Variants in KIF26B observed in about 807,000 individuals in gnomAD.
KIF26B encodes kinesin-like protein KIF26B.
Under a neutral mutation model 151.2 loss-of-function variants are expected in KIF26B, and 63 were observed. The observed-to-expected ratio is 0.42, with a 90% CI of 0.34 to 0.51. The LOEUF (loss-of-function observed/expected upper bound fraction) is 0.51, where lower values mean the gene tolerates loss of function less well. Among genes scored for constraint, KIF26B ranks in the 20% least tolerant of loss-of-function variants. The pLI, the probability that KIF26B is intolerant of heterozygous loss-of-function variation, is 0.07. For missense variants in KIF26B, 2,813 were observed against 2,913.6 expected, an observed-to-expected ratio of 0.97 and a Z score of 0.79; for synonymous variants, 1,357 against 1,262.1, an observed-to-expected ratio of 1.08 and a Z score of -1.59.
chr1:245,415,507 G>T (rs1443849700), intron 3 of KIF26B, among the ~76,000 whole-genome samples: 1 of 152,100 alleles, frequency 6.6e-6, no homozygotes, highest in Non-Finnish European at 1.5e-5. Context: ...CCAAAGACCT[G>T]CATACCAGTG....
intron 10 of KIF26B, among the ~76,000 whole-genome samples, chr1:245,672,150 AG>A (rs1363618337): frequency 6.6e-6 from 1 of 152,020 alleles, no homozygotes; most frequent in Non-Finnish European, 1.5e-5. Context: ...GCATTGGGCA[AG>A]CCCCGAGGAC....
At chr1:245,543,722 G>A (rs1452630055) in intron 5 of KIF26B, among the ~76,000 whole-genome samples, 1 of 152,162 alleles carries the variant, frequency 6.6e-6, no homozygotes. Context: ...GGCCGAGGCG[G>A]GCGGATCACG....
At chr1:245,502,135 T>C (rs1464663480) in intron 4 of KIF26B, among the ~76,000 whole-genome samples, 1 of 152,212 alleles carries the variant, frequency 6.6e-6, no homozygotes, top group Non-Finnish European at 1.5e-5. Context: ...TGCAGCATGA[T>C]TTCTTCCAAC....
chr1:245,683,351 A>G (rs1321912021), intron 10 of KIF26B, among the ~76,000 whole-genome samples: 1 of 152,214 alleles, frequency 6.6e-6, no homozygotes, highest in African/African-American at 2.4e-5. Flanking sequence ...CCAGAGATGC[A>G]ATGACATTTG....
intron 10 of KIF26B, among the ~76,000 whole-genome samples, chr1:245,670,492 A>ATT (rs35792058): frequency 8.2e-4 from 121 of 148,014 alleles, no homozygotes; most frequent in East Asian, 2.9e-3. Flanking sequence ...CCTAGTTATC[A>ATT]TTTTTTTTTG....
chr1:245,382,547 G>T (rs1391440914), intron 3 of KIF26B, among the ~76,000 whole-genome samples: 2 of 148,430 alleles, frequency 1.3e-5, no homozygotes, highest in Non-Finnish European at 3.0e-5. Flanking sequence ...GTGTGTGTGT[G>T]TGTGTGTTTT....
At chr1:245,554,548 A>G (rs1661973117) in intron 5 of KIF26B, among the ~76,000 whole-genome samples, 2 of 152,182 alleles carry the variant, frequency 1.3e-5, no homozygotes, top group African/African-American at 4.8e-5. Context: ...AAAGAGTTAA[A>G]AATCATTCTT....
At chr1:245,313,283 A>G (rs1671699568) in intron 2 of KIF26B, among the ~76,000 whole-genome samples, 1 of 152,366 alleles carries the variant, frequency 6.6e-6, no homozygotes, top group Non-Finnish European at 1.5e-5. Context: ...TGGTTTATGC[A>G]AAGTCCCCTG....
At chr1:245,283,193 C>G (rs1418430827) in intron 2 of KIF26B, 1 of 158,816 alleles carries the variant, frequency 6.3e-6, no homozygotes, top group Non-Finnish European at 1.4e-5. Context: ...AACACAGCCA[C>G]TGACAGCAAG....
At chr1:245,345,881 C>A (rs1558396719) in intron 2 of KIF26B, among the ~76,000 whole-genome samples, 2 of 151,884 alleles carry the variant, frequency 1.3e-5, no homozygotes, top group Non-Finnish European at 2.9e-5. Context: ...GCCAGTGAAA[C>A]CTCTCTTCTT....
intron 2 of KIF26B, among the ~76,000 whole-genome samples, chr1:245,280,658 G>A (rs1176235243): frequency 3.9e-5 from 5 of 127,804 alleles, no homozygotes; most frequent in African/African-American, 1.6e-4. Context: ...CGTTGTGCAG[G>A]TTAGTTACAT....
chr1:245,326,048 C>T (rs910324432), intron 2 of KIF26B, among the ~76,000 whole-genome samples: 2 of 152,138 alleles, frequency 1.3e-5, no homozygotes, highest in African/African-American at 4.8e-5. Context: ...CTCAGAACTC[C>T]ACTCCCCCTA....
chr1:245,569,387 TA>T (rs2043042090), intron 5 of KIF26B, among the ~76,000 whole-genome samples: 2 of 151,900 alleles, frequency 1.3e-5, no homozygotes, highest in Non-Finnish European at 2.9e-5. Context: ...ACGGGAGGAT[TA>T]TTTGAGTTTA....
At chr1:245,203,071 T>C (rs1325728557) in intron 2 of KIF26B, among the ~76,000 whole-genome samples, 2 of 150,506 alleles carry the variant, frequency 1.3e-5, no homozygotes, top group African/African-American at 4.9e-5. Context: ...TGGACAACAT[T>C]TTTAGTCTCT....
chr1:245,577,731 T>G (rs2043136527), intron 5 of KIF26B, among the ~76,000 whole-genome samples: 1 of 142,142 alleles, frequency 7.0e-6, no homozygotes, highest in Admixed American at 7.0e-5. Flanking sequence ...TTTGTGGAAC[T>G]CCGGGCGATG....
intron 9 of KIF26B, among the ~76,000 whole-genome samples, chr1:245,632,447 A>G (rs980144523): frequency 1.3e-5 from 2 of 152,242 alleles, no homozygotes; most frequent in African/African-American, 4.8e-5. Context: ...CACATGGTCT[A>G]TCATGGAGAA....
intron 2 of KIF26B, among the ~76,000 whole-genome samples, chr1:245,327,130 A>G (rs1264663097): frequency 2.0e-5 from 3 of 152,228 alleles, no homozygotes; most frequent in Non-Finnish European, 2.9e-5. Context: ...ATGACCATGT[A>G]TACATGTTGC....
At chr1:245,437,432 T>TA (rs1257017750) in intron 4 of KIF26B, among the ~76,000 whole-genome samples, 4 of 152,164 alleles carry the variant, frequency 2.6e-5, no homozygotes, top group African/African-American at 2.4e-5. Flanking sequence ...ATAGAGAAAA[T>TA]AAAAATAGAT....
At chr1:245,507,431 C>T (rs1660746677) in intron 4 of KIF26B, among the ~76,000 whole-genome samples, 1 of 152,224 alleles carries the variant, frequency 6.6e-6, no homozygotes, top group Non-Finnish European at 1.5e-5. Context: ...ATGGCCCATC[C>T]TCGTGTCCTG....
Sources: gnomAD v4.1 joint callset for allele counts (sites outside exome capture counted in the v4.1 genomes callset) on GRCh38, gnomAD v4.1.1 for gene constraint, MANE v1.5 for transcripts, NCBI Gene and HGNC (gene_info 2026-07-23, HGNC 2026-07-21) for gene names.